The following PCDH15 variants were observed in gnomAD, a reference collection of about 807,000 sequenced individuals.
PCDH15 encodes protocadherin related 15.
PCDH15 carries 129 observed loss-of-function variants against 178.5 expected under a neutral mutation model. That is an observed-to-expected ratio of 0.72 (90% CI 0.63 to 0.84). The LOEUF (loss-of-function observed/expected upper bound fraction) is 0.84. Ranked by LOEUF, PCDH15 falls within the 40% of genes least tolerant of loss-of-function variation. The pLI, the probability that PCDH15 is intolerant of heterozygous loss-of-function variation, is 0.00. For synonymous variants in PCDH15, 800 were observed against 732.0 expected (o/e 1.09, Z -1.50); for missense variants, 2,230 against 2,099.9 (o/e 1.06, Z -1.21).
intron 2 of PCDH15, among the ~76,000 whole-genome samples, chr10:54,914,262 G>T (rs1954865967): frequency 1.3e-5 from 2 of 152,074 alleles, no homozygotes; most frequent in East Asian, 3.9e-4. Flanking sequence ...CTCATGATAG[G>T]GAGTGAGTTA....
chr10:55,374,705 G>A (rs1845580356), intron 2 of PCDH15, among the ~76,000 whole-genome samples: 1 of 151,774 alleles, frequency 6.6e-6, no homozygotes, highest in Non-Finnish European at 1.5e-5. Context: ...ATACAAAAAG[G>A]GATGAAATGA....
At chr10:54,875,336 CT>C (rs1458768167) in intron 3 of PCDH15, among the ~76,000 whole-genome samples, 2 of 152,080 alleles carry the variant, frequency 1.3e-5, no homozygotes, top group African/African-American at 4.8e-5. Context: ...GCTGTTCCTC[CT>C]TCTCTCTTCT....
At chr10:54,974,849 T>C (rs909826609) in intron 2 of PCDH15, among the ~76,000 whole-genome samples, 3 of 152,188 alleles carry the variant, frequency 2.0e-5, no homozygotes, top group African/African-American at 7.2e-5. Context: ...TTAGAGAACT[T>C]TTTCATGCAT....
chr10:55,231,974 C>A lies in PCDH15; in HGVS notation c.-155-65323G>T, dbSNP rs559795835. On this transcript the variant is annotated intron_variant, in intron 1 of 5. Transcript: ENST00000458638. Reference sequence around the variant, plus strand: ...GTTTGGACAATATATTTAATTCTGTCAAAGCTGTGCCAGGTTTACAAAGAG... The same window carrying A: ...GTTTGGACAATATATTTAATTCTGTAAAAGCTGTGCCAGGTTTACAAAGAG... Among the ~76,000 whole-genome samples the A allele has an allele frequency of 3.3e-5, 5 of 151,948 alleles. No individual in the cohort carries two copies. The South Asian group carries it at 1.0e-3, about 32-fold the overall frequency.
At chr10:54,662,581 G>A (rs1445301777) in intron 2 of PCDH15, among the ~76,000 whole-genome samples, 1 of 151,904 alleles carries the variant, frequency 6.6e-6, no homozygotes, top group Non-Finnish European at 1.5e-5. Context: ...ATATTTATAA[G>A]ACTAAGAGCT....
At chr10:55,560,055 A>C (rs1360438421) in intron 2 of PCDH15, among the ~76,000 whole-genome samples, 2 of 151,972 alleles carry the variant, frequency 1.3e-5, no homozygotes, top group Non-Finnish European at 2.9e-5. Flanking sequence ...ATTAAAATAA[A>C]TTCATGTGAA....
intron 2 of PCDH15, among the ~76,000 whole-genome samples, chr10:55,423,155 ATTAT>A (rs1282407925): frequency 1.3e-5 from 2 of 151,924 alleles, no homozygotes; most frequent in Non-Finnish European, 2.9e-5. Flanking sequence ...AAATCTGTAA[ATTAT>A]TTAATGATTA....
chr10:53,984,326 T>C (rs546159873), intron 21 of PCDH15, among the ~76,000 whole-genome samples: 17 of 151,902 alleles, frequency 1.1e-4, no homozygotes, highest in African/African-American at 3.9e-4. Flanking sequence ...ATTTTTTGTA[T>C]ATTTTAGTAG....
intron 2 of PCDH15, among the ~76,000 whole-genome samples, chr10:55,485,964 T>G (rs1036066849): frequency 2.0e-5 from 3 of 151,690 alleles, no homozygotes; most frequent in East Asian, 3.9e-4. Flanking sequence ...ATTTCTAGGC[T>G]AGGTGAGTTT....
intron 2 of PCDH15, among the ~76,000 whole-genome samples, chr10:54,615,582 T>C (rs577753479): frequency 2.4e-4 from 36 of 152,202 alleles, no homozygotes; most frequent in African/African-American, 8.4e-4. Flanking sequence ...ACAGTTACCT[T>C]GGTACTTGAG....
intron 1 of PCDH15, among the ~76,000 whole-genome samples, chr10:55,273,183 C>T (rs935932899): frequency 6.6e-6 from 1 of 152,098 alleles, no homozygotes; most frequent in Non-Finnish European, 1.5e-5. Context: ...TTATTACTCT[C>T]ATTTTATAAT....
chr10:55,184,686 C>T lies in PCDH15; in HGVS notation c.-155-18035G>A, dbSNP rs140649408. On this transcript the variant is annotated intron_variant, in intron 1 of 5. Transcript: ENST00000458638. ...TAAAATAAAGATTTAACACATACAG[C>T]TGTAGAGGGTATATTTTCATAGCAT... Among the ~76,000 whole-genome samples, 457 of 151,956 alleles carry T rather than the reference C, an allele frequency of 3.0e-3. 2 individuals carry two copies. Among genetic ancestry groups the T allele is most frequent in the African/African-American group, 0.01 (432 of 41,496 alleles).
intron 1 of PCDH15, among the ~76,000 whole-genome samples, chr10:55,306,256 G>C (rs1389010693): frequency 6.6e-6 from 1 of 152,186 alleles, no homozygotes; most frequent in Non-Finnish European, 1.5e-5. Flanking sequence ...TTGAGATAAA[G>C]CTCGTTAACT....
intron 2 of PCDH15, among the ~76,000 whole-genome samples, chr10:55,473,258 A>G (rs1248543337): frequency 6.6e-6 from 1 of 152,128 alleles, no homozygotes; most frequent in Non-Finnish European, 1.5e-5. Flanking sequence ...TACTACAGCT[A>G]TAGCTTTCTT....
At chr10:55,125,041 T>C (rs575709437) in intron 2 of PCDH15, among the ~76,000 whole-genome samples, 1 of 152,182 alleles carries the variant, frequency 6.6e-6, no homozygotes, top group South Asian at 2.1e-4. Flanking sequence ...GCCCTAAAAG[T>C]GATACTGATG....
At chr10:54,632,803 T>C (rs1937393) in intron 2 of PCDH15, among the ~76,000 whole-genome samples, 71,152 of 151,756 alleles carry the variant, frequency 0.47, 17,875 homozygotes, top group Non-Finnish European at 0.57. Context: ...AACGCTAAGA[T>C]ATTCCATAGA....
At chr10:54,067,629 C>A (rs888542126) in intron 17 of PCDH15, among the ~76,000 whole-genome samples, 4 of 152,152 alleles carry the variant, frequency 2.6e-5, no homozygotes, top group African/African-American at 9.7e-5. Context: ...CTGAGTACAG[C>A]ACAGAACCTC....
intron 21 of PCDH15, among the ~76,000 whole-genome samples, chr10:53,968,268 T>G (rs2089266855): frequency 6.6e-6 from 1 of 152,170 alleles, no homozygotes; most frequent in South Asian, 2.1e-4. Context: ...CATAGCAGTC[T>G]GAGATCGAAC....
chr10:53,824,724 A>AAAC (rs2076558448), intron 32 of PCDH15, among the ~76,000 whole-genome samples: 1 of 152,082 alleles, frequency 6.6e-6, no homozygotes, highest in Non-Finnish European at 1.5e-5. Flanking sequence ...TTGTTTTTGT[A>AAAC]AACAAACATT....
Sources: allele counts gnomAD v4.1 joint callset (sites outside exome capture counted in the v4.1 genomes callset), GRCh38; gene constraint gnomAD v4.1.1; transcripts MANE v1.5; gene names NCBI Gene and HGNC (gene_info 2026-07-23, HGNC 2026-07-21).